LIPI: variants seen among roughly 807,000 people sequenced by gnomAD.
LIPI encodes lipase I.
In LIPI, 59 loss-of-function variants were observed where a neutral mutation model predicts 50.6. The observed-to-expected ratio is 1.16, with a 90% CI of 0.94 to 1.45. LIPI has a LOEUF of 1.45. Among genes scored for constraint, LIPI ranks in the 40% most tolerant of loss-of-function variants. The pLI, the probability that LIPI is intolerant of heterozygous loss-of-function variation, is 0.00. For missense variants in LIPI, 586 were observed against 536.3 expected (o/e 1.09, Z -0.92); for synonymous variants, 203 against 178.2 (o/e 1.14, Z -1.11).
At chr21:14,110,655 G>A (rs1197666752) in intron 9 of LIPI, among the ~76,000 whole-genome samples, 1 of 151,640 alleles carries the variant, frequency 6.6e-6, no homozygotes, top group Non-Finnish European at 1.5e-5. Context: ...CCCAGCCTCT[G>A]GTAACCATGG....
At chr21:14,204,407 C>T (rs1326082336) in intron 1 of LIPI, among the ~76,000 whole-genome samples, 4 of 151,726 alleles carry the variant, frequency 2.6e-5, no homozygotes, top group Non-Finnish European at 5.9e-5. Context: ...AAATACAGTA[C>T]TGAAATACAC....
intron 6 of LIPI, among the ~76,000 whole-genome samples, chr21:14,164,818 C>A (rs116270353): frequency 4.6e-5 from 7 of 152,186 alleles, no homozygotes; most frequent in African/African-American, 1.7e-4. Flanking sequence ...AGAAGCTAAC[C>A]ATGGCTCACA....
rs539155642 is a variant in LIPI, at chr21:14,177,747, C to G, written c.643+4011G>C. On this transcript the variant is annotated intron_variant, in intron 4 of 9. Transcript: ENST00000681601. ...TAGCTTATTTTAATTTTCTATATTT[C>G]AAGTCCATAAAACATTATTAATAGT... 1.3e-4 allele frequency among the ~76,000 whole-genome samples: 20 copies of G among 152,144 alleles called. No individual in the cohort carries two copies. The Middle Eastern group carries it at 0.01, about 78-fold the overall frequency.
chr21:14,171,389 AAAG>A (rs2018900445), intron 4 of LIPI, among the ~76,000 whole-genome samples: 1 of 150,656 alleles, frequency 6.6e-6, no homozygotes, highest in South Asian at 2.1e-4. Flanking sequence ...TGGAACCAAA[AAAG>A]AGCCCGCATC....
chr21:14,131,129 T>G (rs1473708538), intron 9 of LIPI, among the ~76,000 whole-genome samples: 1 of 152,144 alleles, frequency 6.6e-6, no homozygotes, highest in Admixed American at 6.5e-5. Flanking sequence ...TTTTTGTATT[T>G]TTAGTAGAGA....
chr21:14,132,328 C>T (rs1231337071), intron 9 of LIPI, among the ~76,000 whole-genome samples: 2 of 152,064 alleles, frequency 1.3e-5, no homozygotes, highest in South Asian at 2.1e-4. Flanking sequence ...TATCTAGTCA[C>T]CTATAAAGGA....
chr21:14,150,530 C>T (rs923060448), intron 8 of LIPI, among the ~76,000 whole-genome samples: 1 of 152,108 alleles, frequency 6.6e-6, no homozygotes, highest in Non-Finnish European at 1.5e-5. Flanking sequence ...CAGTTTGGAT[C>T]CCCATTATTT....
intron 3 of LIPI, 100 bp from the exon 4 acceptor site, chr21:14,181,959 A>G (rs2019287506): frequency 1.4e-6 from 1 of 723,614 alleles, no homozygotes; most frequent in East Asian, 2.8e-5. Flanking sequence ...AAAAGCATTT[A>G]TACTTTTAGT....
At chr21:14,175,371 AT>A (rs2019057759) in intron 4 of LIPI, among the ~76,000 whole-genome samples, 1 of 152,080 alleles carries the variant, frequency 6.6e-6, no homozygotes, top group African/African-American at 2.4e-5. Context: ...AAAACTTTTT[AT>A]ATGTTTATTG....
intron 4 of LIPI, among the ~76,000 whole-genome samples, chr21:14,178,901 A>T (rs987178813): frequency 4.6e-5 from 7 of 152,168 alleles, no homozygotes; most frequent in African/African-American, 7.2e-5. Flanking sequence ...TAGGAGTTCT[A>T]ACAATTCAGA....
At chr21:14,111,995 C>T (rs1439134828) in intron 9 of LIPI, among the ~76,000 whole-genome samples, 1 of 152,010 alleles carries the variant, frequency 6.6e-6, no homozygotes, top group African/African-American at 2.4e-5. Context: ...CAATTCGCAT[C>T]CCTCTCCCAC....
chr21:14,153,956 C>T (rs139164211), intron 7 of LIPI, among the ~76,000 whole-genome samples: 1,561 of 152,184 alleles, frequency 0.01, 15 homozygotes, highest in Non-Finnish European at 0.017. Context: ...CACAAATTTA[C>T]ATTAAAATGC....
Position 14,152,617 on chromosome 21 carries a change from T to C in LIPI, c.1074A>G (p.Lys358=), listed in dbSNP as rs201138245. Residue 358 remains lysine, a synonymous_variant, in exon 8 of 10, where the codon AAA becomes AAG. Coordinates refer to ENST00000681601, the MANE Select transcript of LIPI (RefSeq NM_001302998.2). ...KTMMDGSFSF[K]LLNQLGMIEE... ...CAATCATTCCAAGCTGATTTAATAA[T>C]TTAAATGAAAACGAGCCATCCATCA... The C allele has an allele frequency of 1.3e-6, 2 of 1,590,716 alleles. No homozygotes were observed. Among genetic ancestry groups the C allele is most frequent in the East Asian group, 2.2e-5 (1 of 44,536 alleles).
intron 1 of LIPI, among the ~76,000 whole-genome samples, chr21:14,194,941 A>G (rs559427542): frequency 6.6e-6 from 1 of 152,308 alleles, no homozygotes; most frequent in Non-Finnish European, 1.5e-5. Flanking sequence ...TGGATAAACT[A>G]TATGGGAAAA....
intron 3 of LIPI, among the ~76,000 whole-genome samples, chr21:14,182,253 T>C (rs1370479271): frequency 6.6e-6 from 1 of 152,184 alleles, no homozygotes; most frequent in Non-Finnish European, 1.5e-5. Context: ...TGGATTTATC[T>C]GTAGATAGAC....
At chr21:14,124,451 T>C (rs1307452869) in intron 9 of LIPI, among the ~76,000 whole-genome samples, 3 of 152,214 alleles carry the variant, frequency 2.0e-5, no homozygotes, top group South Asian at 4.1e-4. Context: ...TGCCTGTTTT[T>C]CCTTCTGTGC....
In LIPI at chr21:14,121,084, C is replaced by T. The variant is rs1162528195; in HGVS notation, c.1296-12004G>A. On this transcript the variant is annotated intron_variant, in intron 9 of 9. Transcript: ENST00000681601. Reference sequence around the variant, plus strand: ...TGCACCTTTTCAGGGTGGATCAAGGCATTCCCCACCAGGACAGAAAAGGCA... The same window carrying T: ...TGCACCTTTTCAGGGTGGATCAAGGTATTCCCCACCAGGACAGAAAAGGCA... Among the ~76,000 whole-genome samples the T allele has an allele frequency of 5.3e-5, 8 of 152,140 alleles. 1 individual carries two copies. The highest frequency in any genetic ancestry group is 1.2e-4 in the Non-Finnish European group (8 of 68,042).
intron 9 of LIPI, among the ~76,000 whole-genome samples, chr21:14,118,858 G>C (rs1031749819): frequency 2.0e-5 from 3 of 152,080 alleles, no homozygotes; most frequent in Non-Finnish European, 4.4e-5. Context: ...ACTTAAAATG[G>C]CTCCTTGAAT....
At chr21:14,170,658 T>A (rs1011294583) in intron 4 of LIPI, among the ~76,000 whole-genome samples, 1 of 152,138 alleles carries the variant, frequency 6.6e-6, no homozygotes, top group Non-Finnish European at 1.5e-5. Context: ...TTGACAAAAT[T>A]CAACAACCCT....
Sources: gnomAD v4.1 joint callset for allele counts (sites outside exome capture counted in the v4.1 genomes callset) on GRCh38, gnomAD v4.1.1 for gene constraint, MANE v1.5 for transcripts, NCBI Gene and HGNC (gene_info 2026-07-23, HGNC 2026-07-21) for gene names.